PCNA: variants seen among roughly 807,000 people sequenced by gnomAD.
The protein encoded by PCNA is proliferating cell nuclear antigen.
In PCNA, 4 loss-of-function variants were observed where a neutral mutation model predicts 27.8. The observed-to-expected ratio is 0.14, with a 90% confidence interval of 0.07 to 0.33. PCNA has a LOEUF of 0.33. Ranked by LOEUF, PCNA falls within the 10% of genes least tolerant of loss-of-function variation. The pLI, the probability that PCNA is intolerant of heterozygous loss-of-function variation, is 1.00. For synonymous variants in PCNA, 121 were observed against 119.4 expected (o/e 1.01, Z -0.09); for missense variants, 165 against 327.4 (o/e 0.50, Z 3.83).
intron 1 of PCNA, 96 bp downstream of exon 1, chr20:5,119,482 C>T: frequency 1.0e-6 from 1 of 996,752 alleles, no homozygotes; most frequent in Non-Finnish European, 1.5e-6. Flanking sequence ...GCGGATGGCC[C>T]ACGCCAGCCA....
upstream of PCNA, among the ~76,000 whole-genome samples, chr20:5,124,885 A>T (rs2090536829): frequency 6.6e-6 from 1 of 152,206 alleles, no homozygotes; most frequent in African/African-American, 2.4e-5. Flanking sequence ...ATTCTGACTT[A>T]TGTGCATTGA....
At chr20:5,116,739 G>C (rs1375635048) in intron 4 of PCNA, among the ~76,000 whole-genome samples, 1 of 152,104 alleles carries the variant, frequency 6.6e-6, no homozygotes, top group Non-Finnish European at 1.5e-5. Flanking sequence ...TGCAACCTCC[G>C]CCTCCTCGGT....
chr20:5,122,298 G>T (rs778937232), upstream of PCNA, among the ~76,000 whole-genome samples: 1 of 152,132 alleles, frequency 6.6e-6, no homozygotes, highest in Non-Finnish European at 1.5e-5. Flanking sequence ...TGTTTTAAAA[G>T]AACTTTTAGA....
upstream of PCNA, among the ~76,000 whole-genome samples, chr20:5,121,771 G>A (rs936238236): frequency 1.3e-5 from 2 of 151,684 alleles, no homozygotes; most frequent in Admixed American, 6.6e-5. Context: ...GACTACAGGG[G>A]TGCACCACTG....
intron 4 of PCNA, among the ~76,000 whole-genome samples, chr20:5,116,286 C>T (rs1345319564): frequency 6.6e-6 from 1 of 152,022 alleles, no homozygotes; most frequent in Non-Finnish European, 1.5e-5. Flanking sequence ...ACCGACTGCA[C>T]CACCGCACTC....
At chr20:5,124,640 C>CA (rs1357271126), upstream of PCNA, among the ~76,000 whole-genome samples, 4 of 149,126 alleles carry the variant, frequency 2.7e-5, no homozygotes, top group African/African-American at 7.4e-5. Flanking sequence ...AAAAAAAAAA[C>CA]AAAAAACAAA....
exon 1 of PCNA, chr20:5,126,571 C>T (rs1310139298): frequency 6.6e-6 from 1 of 152,418 alleles, no homozygotes. Flanking sequence ...TGGCGCTTCT[C>T]GCCCTCAGTA....
At position 5,115,214 on chromosome 20, in the gene PCNA, A is replaced by G. The variant is rs764617171; in HGVS notation, c.*69T>C. On this transcript the variant is annotated 3_prime_UTR_variant, in exon 6 of 6. Coordinates refer to ENST00000379143, the MANE Select transcript of PCNA (RefSeq NM_182649.2). ...CAAATTTGGTGACAGAAAAGACTTC[A>G]GTATATGCTGGCATCTTAGAAGCAG... 2 of 1,163,014 alleles carry G rather than the reference A, an allele frequency of 1.7e-6. No homozygotes were observed. The highest frequency in any genetic ancestry group is 2.6e-6 in the Non-Finnish European group (2 of 781,980). 72.0% of individuals were successfully genotyped at this position (1,163,014 alleles called of 1,614,324 possible). A position where few individuals can be genotyped will look rare whatever the true frequency, so the allele number is the denominator to read the frequency against.
upstream of PCNA, among the ~76,000 whole-genome samples, chr20:5,124,382 T>C (rs1392542287): frequency 6.6e-6 from 1 of 152,136 alleles, no homozygotes; most frequent in African/African-American, 2.4e-5. Context: ...ATGCCTGTAA[T>C]CCCAGCACTT....
rs762824400 is a variant in PCNA, at chr20:5,115,436, TTTA to T, written c.706+10_706+12del. 63 of 1,613,886 alleles carry T rather than the reference TTTA, an allele frequency of 3.9e-5. No individual in the cohort carries two copies. In the South Asian group the frequency reaches 5.2e-4, roughly 13 times the overall value. On this transcript the variant is annotated intron_variant, in intron 5 of 5. Coordinates refer to ENST00000379143, the MANE Select transcript of PCNA (RefSeq NM_182649.2). ...GACTACCTACAAAACAAGGTTCAAA[TTTA>T]TTATCTTACCAAGGGGTACATCTGC...
rs759559882 is a variant in PCNA, at chr20:5,115,262, T to C, written c.*21A>G. Reference sequence around the variant, plus strand: ...CAGTTCTCAAAGAGCTTAGTTTTATTTTCTTGAATTTTAAGAATGCCTAAG... The same window carrying C: ...CAGTTCTCAAAGAGCTTAGTTTTATCTTCTTGAATTTTAAGAATGCCTAAG... On this transcript the variant is annotated 3_prime_UTR_variant, in exon 6 of 6. Transcript: ENST00000379143. The C allele has an allele frequency of 6.3e-7, 1 of 1,595,490 alleles. No homozygotes were observed. The highest frequency in any genetic ancestry group is 8.6e-7 in the Non-Finnish European group (1 of 1,163,984).
In PCNA at chr20:5,115,394, G is replaced by A. The variant is rs2090467887; in HGVS notation, c.707-32C>T. 6 of 1,613,292 alleles carry A rather than the reference G, an allele frequency of 3.7e-6. No homozygotes were observed. In the South Asian group the frequency reaches 5.5e-5, roughly 15 times the overall value. ...GACAGGAAGATGGTTAATTACTGAGGAGTATGTATCACATATGACTACCTA... is the reference window on the plus strand; with the variant it reads ...GACAGGAAGATGGTTAATTACTGAGAAGTATGTATCACATATGACTACCTA... On this transcript the variant is annotated intron_variant, in intron 5 of 5. Coordinates refer to ENST00000379143, the MANE Select transcript of PCNA (RefSeq NM_182649.2).
At position 5,118,800 on chromosome 20, in the gene PCNA, C is replaced by T. The variant is rs939048450; in HGVS notation, c.288G>A (p.Ala96=). The T allele has an allele frequency of 3.1e-6, 5 of 1,613,988 alleles. No homozygotes were observed. The highest frequency in any genetic ancestry group is 2.7e-5 in the African/African-American group (2 of 74,910). The change falls in exon 2 of 6, where the codon GCG becomes GCA. Residue 96 remains alanine, a synonymous_variant. Transcript: ENST00000379143. ...DIITLRAEDN[A]DTLALVFEAP... ...CTTCAAATACTAGCGCCAAGGTATC[C>T]GCGTTATCTTCGGCCCTTAGTGTAA...
chr20:5,121,625 T>G (rs2090518717), upstream of PCNA: 1 of 146,842 alleles, frequency 6.8e-6, no homozygotes, highest in African/African-American at 2.6e-5. Flanking sequence ...ACTGTCAAAC[T>G]TTTTTTTTTA....
chr20:5,126,450 C>T (rs2090549171), intron 1 of PCNA: 1 of 152,256 alleles, frequency 6.6e-6, no homozygotes, highest in Non-Finnish European at 1.5e-5. Flanking sequence ...TGCTCTTAAC[C>T]AGGTCGGCTC....
At chr20:5,120,847 T>C (rs547899251), upstream of PCNA, among the ~76,000 whole-genome samples, 2 of 152,240 alleles carry the variant, frequency 1.3e-5, no homozygotes, top group South Asian at 4.1e-4. Flanking sequence ...TGCTCTGTCA[T>C]CCAGGCTGGA....
At chr20:5,123,656 C>T (rs995376835), upstream of PCNA, among the ~76,000 whole-genome samples, 4 of 149,716 alleles carry the variant, frequency 2.7e-5, no homozygotes, top group East Asian at 2.0e-4. Flanking sequence ...GATTGCGCCA[C>T]TGTACTCCAG....
At chr20:5,125,613 T>C (rs1211009453) in intron 1 of PCNA, among the ~76,000 whole-genome samples, 1 of 152,236 alleles carries the variant, frequency 6.6e-6, no homozygotes, top group Non-Finnish European at 1.5e-5. Flanking sequence ...GTGTTATATG[T>C]GTTTTACATC....
chr20:5,116,608 C>T (rs1468960651), intron 4 of PCNA, among the ~76,000 whole-genome samples: 1 of 152,148 alleles, frequency 6.6e-6, no homozygotes, highest in African/African-American at 2.4e-5. Flanking sequence ...AGGTTAGGAC[C>T]TTTGTCCTTG....
Sources: allele counts gnomAD v4.1 joint callset (sites outside exome capture counted in the v4.1 genomes callset), GRCh38; gene constraint gnomAD v4.1.1; transcripts MANE v1.5; gene names NCBI Gene and HGNC (gene_info 2026-07-23, HGNC 2026-07-21).